CRMP1: variants seen among roughly 807,000 people sequenced by gnomAD.
CRMP1 encodes the protein collapsin response mediator protein 1, also known as dihydropyrimidinase-related protein 1.
A neutral mutation model predicts 68.3 loss-of-function variants in CRMP1; 19 were observed. That is an observed-to-expected ratio of 0.28 (90% confidence interval 0.19 to 0.41). The LOEUF is 0.41. CRMP1 is among the 10% of genes least tolerant of loss of function. The probability of loss-of-function intolerance (pLI) is 1.00; values close to 1 mark genes in which losing one functional copy is unlikely to be tolerated. For synonymous variants in CRMP1, 439 were observed against 399.6 expected, an observed-to-expected ratio of 1.10 and a Z score of -1.18; for missense variants, 791 against 967.4, an observed-to-expected ratio of 0.82 and a Z score of 2.42.
chr4:5,891,236 C>G lies in CRMP1; in HGVS notation c.381+1353G>C, dbSNP rs1235545181. Among the ~76,000 whole-genome samples the G allele has an allele frequency of 6.8e-6, 1 of 148,110 alleles. No individual in the cohort carries two copies. The highest frequency in any genetic ancestry group is 2.5e-5 in the African/African-American group (1 of 40,662). On this transcript the variant is annotated intron_variant, in intron 1 of 13. Transcript: ENST00000324989. This position sits in a 1 kb window ranked among gnomAD's most constrained non-coding sequence, Gnocchi z 5.2. Reference sequence around the variant, plus strand: ...CACCCTTGCTGTTGGACCTCTCCCTCGCGAGGCTCCGGCTTCAGGACCACG... The same window carrying G: ...CACCCTTGCTGTTGGACCTCTCCCTGGCGAGGCTCCGGCTTCAGGACCACG...
intron 10 of CRMP1, 71 bp downstream of exon 10, chr4:5,836,694 C>G (rs1720750496): frequency 6.2e-7 from 1 of 1,608,484 alleles, no homozygotes; most frequent in Non-Finnish European, 8.5e-7. Context: ...ACCCAGCGTG[C>G]ATAATGCATC....
At chr4:5,839,324 G>T (rs976729224) in intron 9 of CRMP1, among the ~76,000 whole-genome samples, 198 bp downstream of exon 9, 1 of 152,206 alleles carries the variant, frequency 6.6e-6, no homozygotes, top group African/African-American at 2.4e-5. Flanking sequence ...GATGTGAATG[G>T]AACAGTCACT....
chr4:5,840,427 C>G (rs1711633809), intron 8 of CRMP1, among the ~76,000 whole-genome samples: 1 of 152,154 alleles, frequency 6.6e-6, no homozygotes, highest in African/African-American at 2.4e-5. Flanking sequence ...GGCCCGAGAC[C>G]CCCTGCTGCC....
rs939555860 is a variant in CRMP1, at chr4:5,858,349, G to A, written c.656-2042C>T. ...CGGTTGTGTTCTTGGCTTCTCCACC[G>A]AGATGACTCAAAAGCTCCCCCAAAT... is the stretch of plus-strand genomic sequence containing the variant. On this transcript the variant is annotated intron_variant, in intron 3 of 13. Coordinates refer to ENST00000324989, the MANE Select transcript of CRMP1 (RefSeq NM_001014809.3). This position sits in a 1 kb window ranked among gnomAD's most constrained non-coding sequence, Gnocchi z 5.5. Among the ~76,000 whole-genome samples, 14 of 151,854 alleles carry A rather than the reference G, an allele frequency of 9.2e-5. No homozygotes were observed. Among genetic ancestry groups the A allele is most frequent in the Middle Eastern group, 6.3e-3 (2 of 316 alleles).
Position 5,833,413 on chromosome 4 carries a change from G to A in CRMP1, c.1623+2502C>T, listed in dbSNP as rs1004889505. Among the ~76,000 whole-genome samples, 19 of 86,636 alleles carry A rather than the reference G, an allele frequency of 2.2e-4. 4 individuals are homozygous for A. Among genetic ancestry groups the A allele is most frequent in the Non-Finnish European group, 3.5e-4 (14 of 39,990 alleles). 56.8% of individuals were successfully genotyped at this position (86,636 alleles called of 152,430 possible). The stretch of plus-strand genomic sequence containing the variant: ...GATCTCCTGACCTCGTGATCCGCCC[G>A]CCTCGGCCTCCCAAAGTGCTGGGAT... On this transcript the variant is annotated intron_variant, in intron 11 of 13. Transcript: ENST00000324989.
rs922126750 is a variant in CRMP1 at position 5,854,351 on chromosome 4, C to T, written c.820+1792G>A. On this transcript the variant is annotated intron_variant, in intron 4 of 13. Coordinates refer to ENST00000324989, the MANE Select transcript of CRMP1 (RefSeq NM_001014809.3). The surrounding 1 kb of genome is among the most constrained non-coding windows in gnomAD (Gnocchi z 4.0). ...CTCCCAAACTCAAGCAATGCTCCTG[C>T]TCAGCCTCCCAAGTAGCTGGGAGGC... 1.1e-4 allele frequency among the ~76,000 whole-genome samples: 16 copies of T among 150,592 alleles called. No homozygotes were observed. The highest frequency in any genetic ancestry group is 1.1e-3 in the Admixed American group (16 of 15,148).
rs757455054 is a variant in CRMP1, at chr4:5,842,224, C to T, written c.1033-796G>A. 9.3e-5 allele frequency among the ~76,000 whole-genome samples: 14 copies of T among 151,250 alleles called. No homozygotes were observed. Among genetic ancestry groups the T allele is most frequent in the African/African-American group, 2.9e-4 (12 of 41,160 alleles). ...CTTCACTCCAGCCTGGGCGACAGAG[C>T]GAGACTCTGTCTCAAAAACAAACAA... On this transcript the variant is annotated intron_variant, in intron 7 of 13. Transcript: ENST00000324989. This position sits in a 1 kb window ranked among gnomAD's most constrained non-coding sequence, Gnocchi z 4.5.
At chr4:5,886,132 G>A (rs1356917288) in intron 1 of CRMP1, among the ~76,000 whole-genome samples, 1 of 152,204 alleles carries the variant, frequency 6.6e-6, no homozygotes, top group African/African-American at 2.4e-5. Context: ...TCTGGCTGAT[G>A]TGGGCCAAAT....
In CRMP1 at chr4:5,836,819, G is replaced by A. The variant is rs548053386; in HGVS notation, c.1398C>T (p.Pro466=). The change falls in exon 10 of 14, where the codon CCC becomes CCT. Residue 466 remains proline (P), a synonymous_variant. Coordinates refer to ENST00000324989, the MANE Select transcript of CRMP1 (RefSeq NM_001014809.3). ...AVGKDNFTLI[P]EGVNGIEERM... is the part of the protein sequence containing the mutation. ...GCTCCTCTATCCCGTTGACACCCTC[G>A]GGGATCAGGGTAAAGTTGTCCTTGC... The A allele has an allele frequency of 3.5e-5, 56 of 1,613,872 alleles. No homozygotes were observed. Among genetic ancestry groups the A allele is most frequent in the East Asian group, 1.6e-4 (7 of 44,886 alleles).
At chr4:5,831,811 A>G (rs1410211037) in intron 11 of CRMP1, among the ~76,000 whole-genome samples, 1 of 152,216 alleles carries the variant, frequency 6.6e-6, no homozygotes, top group Non-Finnish European at 1.5e-5. Flanking sequence ...CATACAAACA[A>G]TGTAAAAATT....
At chr4:5,868,552 T>C (rs1406297016) in intron 1 of CRMP1, among the ~76,000 whole-genome samples, 1 of 151,944 alleles carries the variant, frequency 6.6e-6, no homozygotes, top group Non-Finnish European at 1.5e-5. Flanking sequence ...CTGCCTGCCT[T>C]GGCCTCCCAA....
chr4:5,835,335 G>A lies in CRMP1; in HGVS notation c.1623+580C>T, dbSNP rs149443561. ...CTTCAGGGAGGCACAGTTGTCTTCT[G>A]CCATCTCTGCATGCACCCTCTCTGT... On this transcript the variant is annotated intron_variant, in intron 11 of 13. Coordinates refer to ENST00000324989, the MANE Select transcript of CRMP1 (RefSeq NM_001014809.3). Among the ~76,000 whole-genome samples, 687 of 152,328 alleles carry A rather than the reference G, an allele frequency of 4.5e-3. 6 individuals carry two copies. The highest frequency in any genetic ancestry group is 0.015 in the African/African-American group (638 of 41,574).
rs906296706 is a variant in CRMP1, at chr4:5,872,642, G to T, written c.382-5886C>A. Among the ~76,000 whole-genome samples, 1 of 152,148 alleles carries T rather than the reference G, an allele frequency of 6.6e-6. No individual in the cohort carries two copies. Among genetic ancestry groups the T allele is most frequent in the African/African-American group, 2.4e-5 (1 of 41,424 alleles). ...GCGGAGGTTGCAGTGAGCTGAGATC[G>T]CACCGCTGCAGTCCAGCCTGGGCAA... On this transcript the variant is annotated intron_variant, in intron 1 of 13. Transcript: ENST00000324989. The surrounding 1 kb of genome is among the most constrained non-coding windows in gnomAD (Gnocchi z 4.6).
intron 11 of CRMP1, among the ~76,000 whole-genome samples, chr4:5,831,608 C>T (rs916522614): frequency 6.6e-6 from 1 of 152,142 alleles, no homozygotes; most frequent in African/African-American, 2.4e-5. Context: ...CACCCATCTC[C>T]CAGCTGAAAC....
chr4:5,849,772 C>T (rs1712487411), intron 5 of CRMP1, among the ~76,000 whole-genome samples: 1 of 152,176 alleles, frequency 6.6e-6, no homozygotes, highest in Non-Finnish European at 1.5e-5. Flanking sequence ...CTTTTGCTGT[C>T]TTTTTGGGTT....
Position 5,821,466 on chromosome 4 carries a change from G to A in CRMP1, c.*294C>T. 2.4e-6 allele frequency: 1 copy of A among 416,084 alleles called. No individual in the cohort carries two copies. Among genetic ancestry groups the A allele is most frequent in the South Asian group, 5.3e-5 (1 of 18,824 alleles). 25.8% of individuals were successfully genotyped at this position (416,084 alleles called of 1,614,324 possible). A position where few individuals can be genotyped will look rare whatever the true frequency, so the allele number is the denominator to read the frequency against. On this transcript the variant is annotated 3_prime_UTR_variant, in exon 14 of 14. Coordinates refer to ENST00000324989, the MANE Select transcript of CRMP1 (RefSeq NM_001014809.3). The surrounding 1 kb of genome is among the most constrained non-coding windows in gnomAD (Gnocchi z 4.4). ...TCATGGAGCCAGTGGAGTTAGAAGT[G>A]GAAGGGACAGAACAAGACAATGCTA...
intron 1 of CRMP1, among the ~76,000 whole-genome samples, chr4:5,882,764 T>G (rs1715295401): frequency 1.3e-5 from 2 of 152,176 alleles, no homozygotes; most frequent in South Asian, 4.1e-4. Context: ...CTCAAGAACT[T>G]CCAGTGCCTT....
At chr4:5,868,179 C>A (rs1424199742) in intron 1 of CRMP1, among the ~76,000 whole-genome samples, 4 of 148,912 alleles carry the variant, frequency 2.7e-5, no homozygotes, top group Admixed American at 1.4e-4. Flanking sequence ...ATTATGGGAA[C>A]CAAAAAGAAC....
chr4:5,848,794 G>A (rs1476120863), intron 6 of CRMP1, among the ~76,000 whole-genome samples: 1 of 152,178 alleles, frequency 6.6e-6, no homozygotes, highest in Admixed American at 6.5e-5. Flanking sequence ...CATCACATGA[G>A]ACAGCAGGTG....
Sources: gnomAD v4.1 joint callset for allele counts (sites outside exome capture counted in the v4.1 genomes callset) on GRCh38, gnomAD v4.1.1 for gene constraint, Gnocchi (gnomAD v3.1) non-coding constraint, MANE v1.5 for transcripts, NCBI Gene and HGNC (gene_info 2026-07-23, HGNC 2026-07-21) for gene names.